The following PAICS variants were observed in gnomAD, a reference collection of about 807,000 sequenced individuals.
PAICS encodes phosphoribosylaminoimidazole carboxylase and phosphoribosylaminoimidazolesuccinocarboxamide synthase.
A neutral mutation model predicts 53.7 loss-of-function variants in PAICS; 33 were observed. The ratio of observed to expected loss-of-function variants is 0.61; its 90% CI spans 0.47 to 0.82. The LOEUF (loss-of-function observed/expected upper bound fraction) is 0.82, where lower values mean the gene tolerates loss of function less well. PAICS is among the 40% of genes least tolerant of loss of function. PAICS has a pLI of 0.00. For synonymous variants in PAICS, 141 were observed against 167.2 expected, an observed-to-expected ratio of 0.84 and a Z score of 1.21; for missense variants, 394 against 494.1, an observed-to-expected ratio of 0.80 and a Z score of 1.92.
At chr4:56,438,200 TTA>T (rs1243934406) in intron 1 of PAICS, among the ~76,000 whole-genome samples, 5 of 152,108 alleles carry the variant, frequency 3.3e-5, no homozygotes, top group African/African-American at 1.2e-4. Flanking sequence ...CTGTGAATCC[TTA>T]GCTATGTTCC....
chr4:56,436,010 C>T (rs1717912379), upstream of PAICS: 1 of 1,524,354 alleles, frequency 6.6e-7, no homozygotes, highest in South Asian at 1.1e-5. Context: ...GAGGGGCCGC[C>T]AGTGCGCGCC....
chr4:56,449,488 A>G (rs1463392411), intron 5 of PAICS, among the ~76,000 whole-genome samples: 2 of 152,148 alleles, frequency 1.3e-5, no homozygotes, highest in Non-Finnish European at 2.9e-5. Flanking sequence ...AACCAGAAAT[A>G]CCATTTGACC....
chr4:56,448,642 A>G (rs1718743141), intron 4 of PAICS, 45 bp downstream of exon 4: 1 of 1,535,158 alleles, frequency 6.5e-7, no homozygotes, highest in Admixed American at 1.9e-5. Flanking sequence ...ATTTGAAAGT[A>G]AAGGTTATAG....
At chr4:56,446,492 C>G in intron 2 of PAICS, 2 of 684,392 alleles carry the variant, frequency 2.9e-6, no homozygotes, top group African/African-American at 3.5e-5. Flanking sequence ...TATGGCTGAA[C>G]AATACATTGT....
chr4:56,419,873 A>G, the PAICS span: 1 of 984,576 alleles, frequency 1.0e-6, no homozygotes, highest in Non-Finnish European at 1.2e-6. Flanking sequence ...TAAAACACGA[A>G]TACAAGATCG....
intron 8 of PAICS, among the ~76,000 whole-genome samples, chr4:56,458,817 A>T (rs1385575509): frequency 6.6e-6 from 1 of 152,140 alleles, no homozygotes; most frequent in African/African-American, 2.4e-5. Context: ...GGCCCCTAGG[A>T]TGTTACTTTT....
intron 5 of PAICS, among the ~76,000 whole-genome samples, chr4:56,449,805 CAA>C (rs753536092): frequency 5.9e-4 from 55 of 92,580 alleles, no homozygotes; most frequent in African/African-American, 7.8e-4. Context: ...AACCTTGTCT[CAA>C]AAAAAAAAAA....
chr4:56,452,131 T>C, intron 7 of PAICS, 79 bp downstream of exon 7: 1 of 900,266 alleles, frequency 1.1e-6, no homozygotes, highest in Non-Finnish European at 1.7e-6. Flanking sequence ...CTAATAATGC[T>C]GAAAAAAGAG....
the PAICS span, among the ~76,000 whole-genome samples, chr4:56,412,573 C>T: frequency 3.3e-5 from 5 of 152,268 alleles, no homozygotes; most frequent in South Asian, 2.1e-4. Context: ...AAGTGAGGCA[C>T]GATCCACCAC....
the PAICS span, among the ~76,000 whole-genome samples, chr4:56,416,032 T>C: frequency 6.7e-6 from 1 of 149,838 alleles, no homozygotes; most frequent in Non-Finnish European, 1.5e-5. Context: ...ATCACACCAC[T>C]GCACTCCAGC....
In PAICS at chr4:56,437,819, C is replaced by CAAAA. The variant is rs869109998; in HGVS notation, c.16+1514_16+1517dup. ...CTGGCGACAGAGAGAGACTCTGTCTCAAAAAAAAAAAAAAAAAAAAAAAAA... is the reference window on the plus strand; with the variant it reads ...CTGGCGACAGAGAGAGACTCTGTCTCAAAAAAAAAAAAAAAAAAAAAAAAAAAAA... On this transcript the variant is annotated intron_variant, in intron 1 of 8. Transcript: ENST00000512576. Among the ~76,000 whole-genome samples the CAAAA allele has an allele frequency of 4.5e-3, 97 of 21,582 alleles. 5 individuals are homozygous for CAAAA. The highest frequency in any genetic ancestry group is 0.01 in the East Asian group (10 of 978). The allele number at this position is 21,582 out of a possible 152,430, so 14.2% of individuals were successfully genotyped here.
At chr4:56,425,291 TAGC>T in the PAICS span, 1 of 162,814 alleles carries the variant, frequency 6.1e-6, no homozygotes, top group Non-Finnish European at 1.3e-5. Context: ...TGTATAATCT[TAGC>T]AGTAAAATTA....
chr4:56,439,696 C>A (rs775991895), intron 1 of PAICS, among the ~76,000 whole-genome samples: 2 of 152,004 alleles, frequency 1.3e-5, no homozygotes, highest in African/African-American at 4.8e-5. Flanking sequence ...ACTCTATCAC[C>A]CAGGCTTGAG....
At chr4:56,457,704 T>C (rs1245980862) in intron 8 of PAICS, among the ~76,000 whole-genome samples, 1 of 151,124 alleles carries the variant, frequency 6.6e-6, no homozygotes, top group Non-Finnish European at 1.5e-5. Flanking sequence ...TCGCTCCTGT[T>C]GCCCAGGCTA....
intron 8 of PAICS, among the ~76,000 whole-genome samples, chr4:56,458,199 TGAG>T (rs1170679238): frequency 6.6e-6 from 1 of 152,082 alleles, no homozygotes. Flanking sequence ...GATAATCTTT[TGAG>T]GAGTAGTTTT....
At chr4:56,451,020 T>C (rs1435504166) in intron 6 of PAICS, 1 of 195,824 alleles carries the variant, frequency 5.1e-6, no homozygotes, top group African/African-American at 2.4e-5. Flanking sequence ...GGTTTCACCG[T>C]GTTAGCCAGG....
chr4:56,432,492 C>T (rs1717639986), upstream of PAICS, among the ~76,000 whole-genome samples: 1 of 147,144 alleles, frequency 6.8e-6, no homozygotes. Flanking sequence ...TACCACTCCA[C>T]TCCAGCCTAG....
Position 56,459,675 on chromosome 4 carries a change from G to C in PAICS, c.*137G>C. ...GTATTAGTGAATAAATGCTTCTCTA[G>C]ATCCATATTAATAAACATGAGCATC... On this transcript the variant is annotated 3_prime_UTR_variant, in exon 9 of 9. Transcript: ENST00000512576. The C allele has an allele frequency of 1.6e-6, 1 of 626,332 alleles. No individual in the cohort carries two copies. Among genetic ancestry groups the C allele is most frequent in the Non-Finnish European group, 2.7e-6 (1 of 367,560 alleles). 38.8% of individuals were successfully genotyped at this position (626,332 alleles called of 1,614,324 possible). A position where few individuals can be genotyped will look rare whatever the true frequency, so the allele number is the denominator to read the frequency against.
In PAICS at chr4:56,436,281, G is replaced by C. The variant is rs1185152740; in HGVS notation, c.-32G>C. The C allele has an allele frequency of 1.9e-6, 3 of 1,594,652 alleles. No individual in the cohort carries two copies. The highest frequency in any genetic ancestry group is 2.6e-6 in the Non-Finnish European group (3 of 1,171,244). ...TTCTAGAGTTCTGCCTCGCTTCCCG[G>C]CGCGGTCGCAGCCCTCAGCCCACTT... On this transcript the variant is annotated 5_prime_UTR_variant, in exon 1 of 9. Coordinates refer to ENST00000512576, the MANE Select transcript of PAICS (RefSeq NM_001079524.2).
Sources: gnomAD v4.1 joint callset for allele counts (sites outside exome capture counted in the v4.1 genomes callset) on GRCh38, gnomAD v4.1.1 for gene constraint, MANE v1.5 for transcripts, NCBI Gene and HGNC (gene_info 2026-07-23, HGNC 2026-07-21) for gene names.